The following SLC35F1 variants were observed in gnomAD, a reference collection of about 807,000 sequenced individuals.
The protein encoded by SLC35F1 is solute carrier family 35 member F1.
Under a neutral mutation model 48.7 loss-of-function variants are expected in SLC35F1, and 14 were observed. The ratio of observed to expected loss-of-function variants is 0.29; its 90% CI spans 0.19 to 0.45. SLC35F1 has a LOEUF of 0.45. Among genes scored for constraint, SLC35F1 ranks in the 20% least tolerant of loss-of-function variants. The pLI is 1.00. For missense variants in SLC35F1, 404 were observed against 500.0 expected, an observed-to-expected ratio of 0.81 and a Z score of 1.83; for synonymous variants, 190 against 202.2, an observed-to-expected ratio of 0.94 and a Z score of 0.51.
At chr6:118,047,669 C>G (rs1772319724) in intron 1 of SLC35F1, among the ~76,000 whole-genome samples, 1 of 152,100 alleles carries the variant, frequency 6.6e-6, no homozygotes. Context: ...CCTTAGTGTC[C>G]TTAACTTTGG....
At chr6:118,115,745 G>T (rs775733792) in intron 1 of SLC35F1, among the ~76,000 whole-genome samples, 88 of 152,102 alleles carry the variant, frequency 5.8e-4, no homozygotes, top group Non-Finnish European at 1.1e-3. Context: ...AGTGACCCTC[G>T]TGCTGCCATC....
At chr6:118,158,269 A>G (rs1361273906) in intron 2 of SLC35F1, among the ~76,000 whole-genome samples, 2 of 152,260 alleles carry the variant, frequency 1.3e-5, no homozygotes, top group Non-Finnish European at 2.9e-5. Context: ...AATGAACATA[A>G]TAATTACATT....
chr6:118,260,012 A>G (rs780858968), intron 3 of SLC35F1, among the ~76,000 whole-genome samples: 1 of 152,278 alleles, frequency 6.6e-6, no homozygotes, highest in East Asian at 1.9e-4. Context: ...AAAACATGAT[A>G]TATCCATACA....
intron 1 of SLC35F1, among the ~76,000 whole-genome samples, chr6:118,097,995 C>A (rs1582665018): frequency 6.6e-6 from 1 of 152,246 alleles, no homozygotes; most frequent in South Asian, 2.1e-4. Flanking sequence ...TCTGATGCAA[C>A]ATGAATAGAA....
chr6:117,920,159 G>A (rs544664941), intron 1 of SLC35F1, among the ~76,000 whole-genome samples: 2 of 152,348 alleles, frequency 1.3e-5, no homozygotes, highest in African/African-American at 2.4e-5. Flanking sequence ...CTCTTAGAGA[G>A]GGGCCCTGTC....
chr6:117,981,994 C>CA (rs1483672094), intron 1 of SLC35F1, among the ~76,000 whole-genome samples: 1 of 152,156 alleles, frequency 6.6e-6, no homozygotes, highest in African/African-American at 2.4e-5. Flanking sequence ...CTAGGCATTG[C>CA]ATTCTCTGTA....
Position 117,959,542 on chromosome 6 carries a change from A to G in SLC35F1, c.173+51643A>G, listed in dbSNP as rs549552365. Among the ~76,000 whole-genome samples the G allele has an allele frequency of 2.0e-5, 3 of 152,318 alleles. No individual in the cohort carries two copies. The South Asian group carries it at 6.2e-4, about 32-fold the overall frequency. The stretch of plus-strand genomic sequence containing the variant: ...AAGAAAACAATTCTAGCATCCAGAA[A>G]TAGACATGTCTTGCCATACCTGAGA... On this transcript the variant is annotated intron_variant, in intron 1 of 7. Coordinates refer to ENST00000360388, the MANE Select transcript of SLC35F1 (RefSeq NM_001029858.4).
intron 1 of SLC35F1, among the ~76,000 whole-genome samples, chr6:118,067,414 C>T (rs186244371): frequency 4.6e-5 from 7 of 152,120 alleles, no homozygotes; most frequent in Admixed American, 2.6e-4. Flanking sequence ...TGATATTGCC[C>T]AGGGAGAGTC....
intron 3 of SLC35F1, among the ~76,000 whole-genome samples, chr6:118,244,864 A>G (rs1582749446): frequency 6.6e-6 from 1 of 152,378 alleles, no homozygotes; most frequent in East Asian, 1.9e-4. Context: ...GATGCTAAAA[A>G]TATATCAAAC....
intron 1 of SLC35F1, among the ~76,000 whole-genome samples, chr6:117,932,767 C>G (rs1395078655): frequency 1.3e-5 from 2 of 152,118 alleles, no homozygotes; most frequent in Non-Finnish European, 2.9e-5. Flanking sequence ...TTCCCATTTT[C>G]CTTTGGAGGT....
intron 1 of SLC35F1, among the ~76,000 whole-genome samples, chr6:117,918,627 A>G (rs1481138808): frequency 1.3e-5 from 2 of 152,218 alleles, no homozygotes; most frequent in African/African-American, 4.8e-5. Context: ...AAGAAAGGAA[A>G]TATACTAAAG....
At chr6:118,049,894 T>C (rs989066228) in intron 1 of SLC35F1, among the ~76,000 whole-genome samples, 8 of 152,144 alleles carry the variant, frequency 5.3e-5, no homozygotes, top group Non-Finnish European at 1.0e-4. Flanking sequence ...TAAATCATGC[T>C]GCTATAAAGA....
At chr6:118,076,522 G>A (rs1374861932) in intron 1 of SLC35F1, among the ~76,000 whole-genome samples, 2 of 152,140 alleles carry the variant, frequency 1.3e-5, no homozygotes, top group East Asian at 1.9e-4. Context: ...ACATGGTGAC[G>A]AGAGAGACGG....
chr6:118,274,645 G>T (rs1004939433), intron 4 of SLC35F1, among the ~76,000 whole-genome samples: 2 of 152,150 alleles, frequency 1.3e-5, no homozygotes, highest in Admixed American at 1.3e-4. Context: ...TGATCCACCC[G>T]CCTCGGCCTC....
chr6:118,010,177 T>C (rs948091376), intron 1 of SLC35F1, among the ~76,000 whole-genome samples: 4 of 152,220 alleles, frequency 2.6e-5, no homozygotes, highest in African/African-American at 4.8e-5. Flanking sequence ...GAATCTGTCA[T>C]GGTAAATATT....
chr6:117,907,584 C>T lies in SLC35F1; in HGVS notation c.-143C>T, dbSNP rs949542743. On this transcript the variant is annotated 5_prime_UTR_variant, in exon 1 of 8. Coordinates refer to ENST00000360388, the MANE Select transcript of SLC35F1 (RefSeq NM_001029858.4). ...GCGGCGGCCGTAGCCGCGGGTGCCT[C>T]CCCGCCTCACCGCTTCGCAGGCAGC... 30 of 442,184 alleles carry T rather than the reference C, an allele frequency of 6.8e-5. No homozygotes were observed. The Admixed American group carries it at 8.3e-4, about 12-fold the overall frequency. The allele number at this position is 442,184 out of a possible 1,614,324, so 27.4% of individuals were successfully genotyped here. A position where few individuals can be genotyped will look rare whatever the true frequency, so the allele number is the denominator to read the frequency against.
At chr6:118,247,472 G>A (rs1387251238) in intron 3 of SLC35F1, among the ~76,000 whole-genome samples, 1 of 152,076 alleles carries the variant, frequency 6.6e-6, no homozygotes, top group East Asian at 1.9e-4. Context: ...CCAGTACCAG[G>A]GGCTAAGCTT....
intron 1 of SLC35F1, among the ~76,000 whole-genome samples, chr6:118,097,651 A>G (rs1418994423): frequency 1.3e-5 from 2 of 152,204 alleles, no homozygotes; most frequent in Non-Finnish European, 2.9e-5. Flanking sequence ...TATGCAGGAA[A>G]TTGTATTCAA....
intron 1 of SLC35F1, among the ~76,000 whole-genome samples, chr6:118,029,563 T>G (rs1772009835): frequency 6.6e-6 from 1 of 152,140 alleles, no homozygotes; most frequent in African/African-American, 2.4e-5. Context: ...GTATATTTGG[T>G]TTGTTACTAT....
Sources: gnomAD v4.1 joint callset for allele counts (sites outside exome capture counted in the v4.1 genomes callset) on GRCh38, gnomAD v4.1.1 for gene constraint, MANE v1.5 for transcripts, NCBI Gene and HGNC (gene_info 2026-07-23, HGNC 2026-07-21) for gene names.